The following PFKFB3 variants were observed in gnomAD, a reference collection of about 807,000 sequenced individuals.
The protein encoded by PFKFB3 is 6-phosphofructo-2-kinase/fructose-2,6-biphosphatase 3.
PFKFB3 carries 33 observed loss-of-function variants against 68.0 expected under a neutral mutation model. The observed-to-expected ratio is 0.49, with a 90% confidence interval of 0.37 to 0.65. The LOEUF (loss-of-function observed/expected upper bound fraction) is 0.65. Ranked by LOEUF, PFKFB3 falls within the 30% of genes least tolerant of loss-of-function variation. The probability of loss-of-function intolerance (pLI) is 0.00; values close to 1 mark genes in which losing one functional copy is unlikely to be tolerated. For missense variants in PFKFB3, 586 were observed against 712.2 expected, an observed-to-expected ratio of 0.82 and a Z score of 2.02; for synonymous variants, 315 against 288.2, an observed-to-expected ratio of 1.09 and a Z score of -0.94.
chr10:6,174,369 A>G (rs1842399374), intron 1 of PFKFB3, among the ~76,000 whole-genome samples: 1 of 152,244 alleles, frequency 6.6e-6, no homozygotes, highest in Non-Finnish European at 1.5e-5. Flanking sequence ...TCTGGTAAAC[A>G]ATAAACAAGT....
the PFKFB3 span, among the ~76,000 whole-genome samples, chr10:6,320,616 G>A: frequency 6.6e-6 from 1 of 152,048 alleles, no homozygotes; most frequent in African/African-American, 2.4e-5. Flanking sequence ...GTAGCGACGA[G>A]GTCTCCCTAT....
chr10:6,221,616 C>T (rs558315657), intron 9 of PFKFB3, 25 bp from the exon 10 acceptor site: 2 of 1,609,392 alleles, frequency 1.2e-6, no homozygotes, highest in Admixed American at 1.7e-5. Flanking sequence ...GTTTGTTCCC[C>T]TGAGTGACCA....
rs965371057 is a variant in PFKFB3, at chr10:6,220,581, ATCTTCGGAGACGGGCCAGGTGCATCCT to A, written c.624-76_624-50del. 7.4e-7 allele frequency: 1 copy of A among 1,343,048 alleles called. No homozygotes were observed. Among genetic ancestry groups the A allele is most frequent in the African/African-American group, 1.5e-5 (1 of 68,648 alleles). The allele number at this position is 1,343,048 out of a possible 1,614,324, so 83.2% of individuals were successfully genotyped here. On this transcript the variant is annotated intron_variant, in intron 7 of 14. Coordinates refer to ENST00000379775, the MANE Select transcript of PFKFB3 (RefSeq NM_004566.4). The surrounding 1 kb of genome is among the most constrained non-coding windows in gnomAD (Gnocchi z 4.1). ...CGCCTTGCTGTTCTCTGGGGATCAC[ATCTTCGGAGACGGGCCAGGTGCATCCT>A]GCTGTGGGTGGTGGCCTGAGCTGTG...
chr10:6,275,116 G>A, the PFKFB3 span, among the ~76,000 whole-genome samples: 2 of 152,196 alleles, frequency 1.3e-5, no homozygotes, highest in African/African-American at 2.4e-5. The surrounding 1 kb of genome is among the most constrained non-coding windows in gnomAD (Gnocchi z 4.9). Flanking sequence ...CCATGAGGCT[G>A]ATGCCTCTTG....
chr10:6,260,822 T>C, the PFKFB3 span, among the ~76,000 whole-genome samples: 1 of 152,228 alleles, frequency 6.6e-6, no homozygotes, highest in Non-Finnish European at 1.5e-5. Flanking sequence ...CCAGTTTTTT[T>C]ACTATTATGA....
At chr10:6,235,965 C>T (rs894098108), downstream of PFKFB3, among the ~76,000 whole-genome samples, 3 of 152,004 alleles carry the variant, frequency 2.0e-5, no homozygotes, top group Admixed American at 2.0e-4. Context: ...CAGCATTTCA[C>T]CATGTTGGCC....
upstream of PFKFB3, among the ~76,000 whole-genome samples, chr10:6,200,909 G>C (rs551256756): frequency 6.6e-6 from 1 of 152,190 alleles, no homozygotes; most frequent in African/African-American, 2.4e-5. Flanking sequence ...AGAGATGAAT[G>C]ATGTGCCGCT....
the PFKFB3 span, among the ~76,000 whole-genome samples, chr10:6,262,282 G>A: frequency 9.9e-5 from 15 of 151,386 alleles, no homozygotes; most frequent in South Asian, 1.0e-3. Flanking sequence ...GTGAAACCCT[G>A]TCTCTACTAA....
At chr10:6,177,456 CTT>C (rs754133087) in intron 1 of PFKFB3, among the ~76,000 whole-genome samples, 112 of 104,384 alleles carry the variant, frequency 1.1e-3, no homozygotes, top group Non-Finnish European at 1.6e-3. Context: ...TTCTTTCTTT[CTT>C]TCTTTCTTTC....
intron 14 of PFKFB3, among the ~76,000 whole-genome samples, chr10:6,254,006 T>C (rs1271173876): frequency 6.6e-6 from 1 of 151,748 alleles, no homozygotes; most frequent in East Asian, 1.9e-4. Context: ...ATCGTACCAC[T>C]GCACTCCAGC....
intron 1 of PFKFB3, among the ~76,000 whole-genome samples, chr10:6,190,008 A>T (rs150196038): frequency 0.029 from 4,412 of 150,748 alleles, 118 homozygotes; most frequent in African/African-American, 0.059. Context: ...CAGTGGTGTG[A>T]TCTCGGCTCA....
the PFKFB3 span, among the ~76,000 whole-genome samples, chr10:6,280,349 A>G: frequency 1.3e-5 from 2 of 152,208 alleles, no homozygotes; most frequent in Non-Finnish European, 2.9e-5. Context: ...GGCATGGGCC[A>G]TGTCATGTCC....
At chr10:6,230,764 G>A (rs1241278972) in intron 14 of PFKFB3, among the ~76,000 whole-genome samples, 1 of 151,504 alleles carries the variant, frequency 6.6e-6, no homozygotes, top group African/African-American at 2.4e-5. Context: ...TGCCCAGGCT[G>A]GAGTGCAGTG....
In PFKFB3 at chr10:6,220,942, G is replaced by GTGCTGC. The variant is rs3084010; in HGVS notation, c.831+100_831+105dup. ...GTCTATAGGGTGGGTGGGGAGCTGT[G>GTGCTGC]TGCTGCTGCTGCTGCTGCTGCTGCT... is the stretch of plus-strand genomic sequence containing the variant. On this transcript the variant is annotated intron_variant, in intron 8 of 14. Coordinates refer to ENST00000379775, the MANE Select transcript of PFKFB3 (RefSeq NM_004566.4). The surrounding 1 kb of genome is among the most constrained non-coding windows in gnomAD (Gnocchi z 4.1). The GTGCTGC allele has an allele frequency of 1.9e-3, 1,690 of 887,056 alleles. 7 individuals are homozygous for GTGCTGC. The highest frequency in any genetic ancestry group is 0.012 in the East Asian group (484 of 39,276). The allele number at this position is 887,056 out of a possible 1,614,324, so 54.9% of individuals were successfully genotyped here.
intron 1 of PFKFB3, among the ~76,000 whole-genome samples, chr10:6,169,630 T>G (rs12569573): frequency 0.011 from 1,647 of 152,196 alleles, 69 homozygotes; most frequent in East Asian, 0.1. Context: ...GAAGAGTGCG[T>G]CCAGTACTGC....
chr10:6,224,571 C>A (rs1217178367), intron 13 of PFKFB3: 1 of 447,204 alleles, frequency 2.2e-6, no homozygotes, highest in Non-Finnish European at 4.4e-6. Flanking sequence ...GCCTCAACCT[C>A]CTGGGTTCAA....
downstream of PFKFB3, among the ~76,000 whole-genome samples, chr10:6,238,477 C>CAAA (rs71390201): frequency 0.087 from 7,694 of 88,392 alleles, 694 homozygotes; most frequent in Non-Finnish European, 0.12. Flanking sequence ...GGTGCCATCT[C>CAAA]AAAAAAAAAA....
intron 12 of PFKFB3, 33 bp from the exon 13 acceptor site, chr10:6,224,116 C>A (rs2132000331): frequency 6.2e-7 from 1 of 1,613,526 alleles, no homozygotes; most frequent in South Asian, 1.1e-5. Flanking sequence ...CCTTTAACAG[C>A]AGCTTCCTCT....
At chr10:6,173,998 C>A (rs192861355) in intron 1 of PFKFB3, among the ~76,000 whole-genome samples, 75 of 152,132 alleles carry the variant, frequency 4.9e-4, no homozygotes, top group African/African-American at 1.7e-3. Flanking sequence ...AGATAGTAGG[C>A]ACGGAAAGAA....
Sources: gnomAD v4.1 joint callset for allele counts (sites outside exome capture counted in the v4.1 genomes callset) on GRCh38, gnomAD v4.1.1 for gene constraint, Gnocchi (gnomAD v3.1) non-coding constraint, MANE v1.5 for transcripts, NCBI Gene and HGNC (gene_info 2026-07-23, HGNC 2026-07-21) for gene names.